FNIP2: variants seen among roughly 807,000 people sequenced by gnomAD.
FNIP2 encodes the protein folliculin-interacting protein 2.
FNIP2 carries 32 observed loss-of-function variants against 108.7 expected under a neutral mutation model. The ratio of observed to expected loss-of-function variants is 0.29; its 90% CI spans 0.22 to 0.40. FNIP2 has a LOEUF of 0.40. Among genes scored for constraint, FNIP2 ranks in the 10% least tolerant of loss-of-function variants. The pLI is 1.00. For missense variants in FNIP2, 1,202 were observed against 1,381.6 expected, an observed-to-expected ratio of 0.87 and a Z score of 2.06; for synonymous variants, 480 against 496.7, an observed-to-expected ratio of 0.97 and a Z score of 0.45.
intron 1 of FNIP2, among the ~76,000 whole-genome samples, chr4:158,822,389 G>A (rs879805678): frequency 6.6e-5 from 10 of 151,916 alleles, no homozygotes; most frequent in Non-Finnish European, 1.3e-4. Context: ...TCACCCTGTT[G>A]CCCACAAACG....
rs550756402 is a variant in FNIP2, at chr4:158,777,756, G to C, written c.107+8437G>C. On this transcript the variant is annotated intron_variant, in intron 1 of 16. Coordinates refer to ENST00000264433, the MANE Select transcript of FNIP2 (RefSeq NM_020840.3). Reference sequence around the variant, plus strand: ...ACGCTGGTAACTGGCCCTGCAGTGGGGTTGCCATATATTGCTTAGTGCCAT... The same window carrying C: ...ACGCTGGTAACTGGCCCTGCAGTGGCGTTGCCATATATTGCTTAGTGCCAT... 3.9e-4 allele frequency among the ~76,000 whole-genome samples: 59 copies of C among 152,222 alleles called. 1 individual carries two copies. The highest frequency in any genetic ancestry group is 2.2e-3 in the Admixed American group (33 of 15,302).
intron 1 of FNIP2, among the ~76,000 whole-genome samples, chr4:158,787,559 T>C (rs1358698762): frequency 6.6e-6 from 1 of 152,214 alleles, no homozygotes; most frequent in African/African-American, 2.4e-5. Flanking sequence ...GACGCAGACC[T>C]TTTGATTCCT....
chr4:158,889,715 G>A, intron 14 of FNIP2: 1 of 564,612 alleles, frequency 1.8e-6, no homozygotes, highest in Non-Finnish European at 2.2e-6. Flanking sequence ...CTGTCCCGTG[G>A]CATGACCAGC....
At chr4:158,890,020 T>C in intron 14 of FNIP2, 1 of 985,352 alleles carries the variant, frequency 1.0e-6, no homozygotes, top group Non-Finnish European at 1.2e-6. Flanking sequence ...TGGTTGAAAA[T>C]GGTGATGGGG....
chr4:158,867,803 T>A (rs1780667801), intron 12 of FNIP2, among the ~76,000 whole-genome samples: 1 of 152,184 alleles, frequency 6.6e-6, no homozygotes, highest in Non-Finnish European at 1.5e-5. Flanking sequence ...CTTTGGGCCA[T>A]CTCATTGGCT....
chr4:158,862,721 A>G (rs1780363465), intron 12 of FNIP2, among the ~76,000 whole-genome samples: 1 of 152,202 alleles, frequency 6.6e-6, no homozygotes, highest in South Asian at 2.1e-4. Context: ...CATTACTCAG[A>G]ACATGCCTAA....
chr4:158,881,977 C>T (rs1196233819), intron 14 of FNIP2, among the ~76,000 whole-genome samples: 2 of 151,820 alleles, frequency 1.3e-5, no homozygotes, highest in Non-Finnish European at 2.9e-5. Context: ...AGCGCCTCTT[C>T]CCGGCCGCCA....
At chr4:158,769,438 G>A (rs1381514428) in intron 1 of FNIP2, 119 bp downstream of exon 1, 2 of 549,548 alleles carry the variant, frequency 3.6e-6, no homozygotes, top group East Asian at 4.6e-5. Context: ...GCCTATCGCC[G>A]GCACCTGGTC....
intron 1 of FNIP2, among the ~76,000 whole-genome samples, chr4:158,771,044 GGGA>G (rs1390956757): frequency 6.6e-6 from 1 of 152,176 alleles, no homozygotes; most frequent in Non-Finnish European, 1.5e-5. Context: ...CCCACTTCAT[GGGA>G]ACATTTTCAG....
At chr4:158,837,362 T>G (rs1364549260) in intron 7 of FNIP2, among the ~76,000 whole-genome samples, 1 of 152,252 alleles carries the variant, frequency 6.6e-6, no homozygotes, top group African/African-American at 2.4e-5. Context: ...CATCACAGTT[T>G]CTGCACAGCT....
chr4:158,819,243 T>C (rs1364037981), intron 1 of FNIP2, among the ~76,000 whole-genome samples: 1 of 152,188 alleles, frequency 6.6e-6, no homozygotes, highest in South Asian at 2.1e-4. Flanking sequence ...TGATCAAACA[T>C]ATTTATTCTT....
At chr4:158,872,447 A>G (rs1052012654) in intron 14 of FNIP2, 1 of 985,256 alleles carries the variant, frequency 1.0e-6, no homozygotes, top group African/African-American at 1.7e-5. Context: ...GTGTTTTCAC[A>G]CTGTAGCTTT....
Position 158,905,922 on chromosome 4 carries a change from C to T in FNIP2, c.*1378C>T, listed in dbSNP as rs928254930. The stretch of plus-strand genomic sequence containing the variant: ...CCTTCCACTGTTTTATGAATTAATT[C>T]CAGTTCTTTTCATGTATCTTTGAAC... On this transcript the variant is annotated 3_prime_UTR_variant, in exon 17 of 17. Transcript: ENST00000264433. 14 of 152,134 alleles carry T rather than the reference C, an allele frequency of 9.2e-5. No individual in the cohort carries two copies. The highest frequency in any genetic ancestry group is 3.1e-4 in the African/African-American group (13 of 41,432). 9.4% of individuals were successfully genotyped at this position (152,134 alleles called of 1,614,324 possible).
At chr4:158,809,029 AC>A (rs1215274428) in intron 1 of FNIP2, among the ~76,000 whole-genome samples, 9 of 152,038 alleles carry the variant, frequency 5.9e-5, no homozygotes, top group Non-Finnish European at 1.2e-4. Flanking sequence ...ATTCCCCCTA[AC>A]CTCTATAAAG....
At chr4:158,826,500 C>T (rs1778163824) in intron 2 of FNIP2, among the ~76,000 whole-genome samples, 2 of 152,236 alleles carry the variant, frequency 1.3e-5, no homozygotes, top group Non-Finnish European at 2.9e-5. Flanking sequence ...TGCTTATTTA[C>T]AGGACTTCCA....
intron 7 of FNIP2, among the ~76,000 whole-genome samples, chr4:158,841,415 A>G (rs570485408): frequency 5.7e-4 from 87 of 152,276 alleles, no homozygotes; most frequent in Non-Finnish European, 9.1e-4. Context: ...ATCAAGAAAC[A>G]AGTCAGGTTC....
chr4:158,872,525 A>C (rs747264347), intron 14 of FNIP2: 29 of 985,300 alleles, frequency 2.9e-5, no homozygotes, highest in Non-Finnish European at 3.5e-5. Context: ...ATATTGTGTC[A>C]AATTGTGGGT....
In FNIP2 at chr4:158,879,251, C is replaced by T. The variant is rs1230255690; in HGVS notation, c.2949+8782C>T. On this transcript the variant is annotated intron_variant, in intron 14 of 16. Coordinates refer to ENST00000264433, the MANE Select transcript of FNIP2 (RefSeq NM_020840.3). ...AGATAAAGAAAACTCTTAGAAGTAG[C>T]TAGAGAGAAGAAGACATGGCATCTG... 3.3e-5 allele frequency among the ~76,000 whole-genome samples: 5 copies of T among 150,494 alleles called. 1 individual carries two copies. The highest frequency in any genetic ancestry group is 4.2e-4 in the South Asian group (2 of 4,726).
At chr4:158,780,977 G>A (rs1164206938) in intron 1 of FNIP2, among the ~76,000 whole-genome samples, 1 of 150,822 alleles carries the variant, frequency 6.6e-6, no homozygotes, top group Non-Finnish European at 1.5e-5. Context: ...GGAGGTTGCA[G>A]TGAGCTGAGA....
Sources: allele counts gnomAD v4.1 joint callset (sites outside exome capture counted in the v4.1 genomes callset), GRCh38; gene constraint gnomAD v4.1.1; transcripts MANE v1.5; gene names NCBI Gene and HGNC (gene_info 2026-07-23, HGNC 2026-07-21).